Variants in NUDT1 observed in about 807,000 individuals in gnomAD.
NUDT1 encodes nudix hydrolase 1.
In NUDT1, 16 loss-of-function variants were observed where a neutral mutation model predicts 11.3. The ratio of observed to expected loss-of-function variants is 1.41; its 90% confidence interval spans 0.96 to 2.15. The LOEUF is 2.15. Ranked by LOEUF, NUDT1 falls within the 30% of genes most tolerant of loss-of-function variation. NUDT1 has a pLI of 0.00. For synonymous variants in NUDT1, 101 were observed against 84.4 expected (o/e 1.20, Z -1.08); for missense variants, 234 against 208.4 (o/e 1.12, Z -0.76).
chr7:2,242,271 C>T lies in NUDT1; in HGVS notation c.-13+15C>T. On this transcript the variant is annotated intron_variant, in intron 1 of 3. Coordinates refer to ENST00000356714, the MANE Select transcript of NUDT1 (RefSeq NM_002452.4). ...CGGCGGTGCAGGTACGAAAAGCGCGCGCGGGGATTCCAGGAGTCGTGGTGA... is the reference window on the plus strand; with the variant it reads ...CGGCGGTGCAGGTACGAAAAGCGCGTGCGGGGATTCCAGGAGTCGTGGTGA... 4.9e-6 allele frequency: 6 copies of T among 1,214,834 alleles called. No individual in the cohort carries two copies. The highest frequency in any genetic ancestry group is 4.5e-5 in the South Asian group (3 of 67,172). The allele number at this position is 1,214,834 out of a possible 1,614,324, so 75.3% of individuals were successfully genotyped here.
intron 1 of NUDT1, among the ~76,000 whole-genome samples, chr7:2,243,329 T>G (rs6978317): frequency 0.69 from 104,536 of 152,140 alleles, 36,771 homozygotes; most frequent in African/African-American, 0.82. Context: ...CAGGCCTGGG[T>G]GTGGAGCCCT....
intron 2 of NUDT1, among the ~76,000 whole-genome samples, chr7:2,249,108 C>T (rs941557253): frequency 1.3e-5 from 2 of 152,212 alleles, no homozygotes; most frequent in African/African-American, 4.8e-5. Flanking sequence ...TGTTCCCAGG[C>T]GCAGCAGCAC....
At chr7:2,247,901 T>C (rs1421875976) in intron 2 of NUDT1, 1 of 152,248 alleles carries the variant, frequency 6.6e-6, no homozygotes, top group Non-Finnish European at 1.5e-5. Context: ...AGCACTTCTA[T>C]TGCATCTAAC....
intron 2 of NUDT1, among the ~76,000 whole-genome samples, chr7:2,245,760 ACTCCCAGGCTCAAGCGATCCTCC>A (rs1343381050): frequency 1.3e-5 from 2 of 149,000 alleles, no homozygotes; most frequent in Admixed American, 6.7e-5. Context: ...TGTCTCATTA[ACTCCCAGGCTCAAGCGATCCTCC>A]CTCCCGGGCC....
chr7:2,248,547 CTTTTTTT>C (rs11393832), intron 2 of NUDT1, among the ~76,000 whole-genome samples: 79 of 122,574 alleles, frequency 6.4e-4, no homozygotes, highest in Middle Eastern at 4.3e-3. Context: ...ATGATGTTTG[CTTTTTTT>C]TTTTTTTTTT....
rs552472693 is a variant in NUDT1 at position 2,244,460 on chromosome 7, G to A, written c.-12-103G>A. 6.5e-4 allele frequency: 248 copies of A among 382,960 alleles called. 2 individuals carry two copies. The highest frequency in any genetic ancestry group is 6.2e-3 in the South Asian group (236 of 38,136). The allele number at this position is 382,960 out of a possible 1,614,324, so 23.7% of individuals were successfully genotyped here. A position where few individuals can be genotyped will look rare whatever the true frequency, so the allele number is the denominator to read the frequency against. On this transcript the variant is annotated intron_variant, in intron 1 of 3. Transcript: ENST00000356714. The stretch of plus-strand genomic sequence containing the variant: ...CTGGGGAGTTACAGCATACCCCCCC[G>A]CCCCCCACTGCCTCCCAGAGCACGT...
intron 1 of NUDT1, chr7:2,242,775 T>C: frequency 2.0e-6 from 1 of 500,834 alleles, no homozygotes. Context: ...CCCACGGCAG[T>C]GTCTAGGGGT....
intron 2 of NUDT1, 53 bp from the exon 3 acceptor site, chr7:2,249,804 G>A: frequency 1.9e-6 from 3 of 1,603,932 alleles, no homozygotes; most frequent in Non-Finnish European, 1.7e-6. Flanking sequence ...CCATCGTGTG[G>A]GCATGGCACC....
intron 1 of NUDT1, chr7:2,242,866 T>C: frequency 1.4e-6 from 1 of 692,146 alleles, no homozygotes; most frequent in Non-Finnish European, 2.6e-6. Context: ...TGGCTTGTGT[T>C]AGTCAGCTGT....
intron 1 of NUDT1, among the ~76,000 whole-genome samples, chr7:2,244,038 TACAGCC>T (rs1425026976): frequency 6.6e-6 from 1 of 152,152 alleles, no homozygotes; most frequent in African/African-American, 2.4e-5. Context: ...GACCTGTGTC[TACAGCC>T]ACACATTTCC....
intron 1 of NUDT1, 146 bp from the exon 2 acceptor site, chr7:2,244,417 A>G: frequency 1.3e-6 from 1 of 756,938 alleles, no homozygotes; most frequent in Admixed American, 2.8e-5. Context: ...GCCACAAGGG[A>G]AGCCACACGT....
At chr7:2,250,068 G>T in intron 3 of NUDT1, 66 bp downstream of exon 3, 1 of 1,595,054 alleles carries the variant, frequency 6.3e-7, no homozygotes. Flanking sequence ...TGGGAGAAAG[G>T]CCATCCGCCC....
intron 2 of NUDT1, among the ~76,000 whole-genome samples, chr7:2,247,861 G>A (rs35885980): frequency 1.3e-4 from 20 of 152,344 alleles, no homozygotes; most frequent in Non-Finnish European, 2.1e-4. Flanking sequence ...AGCAACAGCC[G>A]GCCGCCAAGA....
rs759996258 is a variant in NUDT1 at position 2,250,861 on chromosome 7, A to T, written c.331A>T (p.Ile111Phe). ...MRPCWFQLDQ[I>F]PFKDMWPDDS... Reference sequence around the variant, plus strand: ...CCCATGCTGGTTCCAGCTGGATCAGATCCCCTTCAAGGACATGTGGCCCGA... The same window carrying T: ...CCCATGCTGGTTCCAGCTGGATCAGTTCCCCTTCAAGGACATGTGGCCCGA... The change falls in exon 4 of 4, where the codon ATC becomes TTC. Residue 111 changes from isoleucine to phenylalanine, a missense_variant. Coordinates refer to ENST00000356714, the MANE Select transcript of NUDT1 (RefSeq NM_002452.4). The T allele has an allele frequency of 1.3e-5, 21 of 1,614,166 alleles. No homozygotes were observed. The highest frequency in any genetic ancestry group is 1.7e-5 in the Admixed American group (1 of 60,014).
At chr7:2,247,550 G>A (rs145141557) in intron 2 of NUDT1, among the ~76,000 whole-genome samples, 31 of 152,318 alleles carry the variant, frequency 2.0e-4, no homozygotes, top group South Asian at 8.3e-4. Flanking sequence ...CAGGCCCGCC[G>A]GAACCTCCGA....
At chr7:2,249,722 C>A in intron 2 of NUDT1, 135 bp from the exon 3 acceptor site, 1 of 1,034,328 alleles carries the variant, frequency 9.7e-7, no homozygotes, top group African/African-American at 1.6e-5. Context: ...TTCTAGGGGA[C>A]ATCCTCCTGG....
intron 2 of NUDT1, among the ~76,000 whole-genome samples, chr7:2,247,196 G>A (rs945911303): frequency 3.9e-5 from 6 of 152,166 alleles, no homozygotes; most frequent in Admixed American, 6.6e-5. Flanking sequence ...GAGGAGCGTC[G>A]GCAGCCCGGT....
At chr7:2,250,504 CTG>C (rs1794953469) in intron 3 of NUDT1, among the ~76,000 whole-genome samples, 1 of 152,258 alleles carries the variant, frequency 6.6e-6, no homozygotes, top group Non-Finnish European at 1.5e-5. Flanking sequence ...GTCGCCCAGG[CTG>C]GAGGGCAATG....
chr7:2,249,951 G>T lies in NUDT1; in HGVS notation c.247G>T (p.Val83Leu). 1 of 1,614,188 alleles carries T rather than the reference G, an allele frequency of 6.2e-7. No individual in the cohort carries two copies. The highest frequency in any genetic ancestry group is 8.5e-7 in the Non-Finnish European group (1 of 1,180,038). The change falls in exon 3 of 4, where the codon GTG becomes TTG. Residue 83 changes from valine to leucine, a missense_variant. By Grantham distance (32) the Val-to-Leu change is conservative. Transcript: ENST00000356714. ...CGTGGGCGAGCCTGAGCTCATGGAC[G>T]TGCATGTCTTCTGCACAGACAGCAT... ...EFVGEPELMD[V>L]HVFCTDSIQG...
Sources: allele counts gnomAD v4.1 joint callset (sites outside exome capture counted in the v4.1 genomes callset), GRCh38; gene constraint gnomAD v4.1.1; transcripts MANE v1.5; gene names NCBI Gene and HGNC (gene_info 2026-07-23, HGNC 2026-07-21).